The following GPM6B variants were observed in gnomAD, a reference collection of about 807,000 sequenced individuals.
GPM6B encodes neuronal membrane glycoprotein M6-b.
A neutral mutation model predicts 27.2 loss-of-function variants in GPM6B; 4 were observed. The ratio of observed to expected loss-of-function variants is 0.15; its 90% CI spans 0.07 to 0.34. GPM6B has a LOEUF of 0.34. Among genes scored for constraint, GPM6B ranks in the 10% least tolerant of loss-of-function variants. The probability of loss-of-function intolerance (pLI) is 1.00; values close to 1 mark genes in which losing one functional copy is unlikely to be tolerated. For synonymous variants in GPM6B, 124 were observed against 103.1 expected, an observed-to-expected ratio of 1.20 and a Z score of -1.23; for missense variants, 183 against 261.9, an observed-to-expected ratio of 0.70 and a Z score of 2.08.
At chrX:13,861,142 T>C (rs868576582) in intron 1 of GPM6B, among the ~76,000 whole-genome samples, 1 of 71,596 alleles carries the variant, frequency 1.4e-5, no homozygotes. Flanking sequence ...ATATATAATA[T>C]ACATATATAC....
intron 4 of GPM6B, among the ~76,000 whole-genome samples, chrX:13,783,147 CATTTG>C (rs2048549038): frequency 8.9e-6 from 1 of 112,436 alleles, no homozygotes; most frequent in Non-Finnish European, 1.9e-5. Flanking sequence ...CTGATGAAAA[CATTTG>C]ATTTATTTCT....
intron 1 of GPM6B, among the ~76,000 whole-genome samples, chrX:13,909,864 C>T (rs2050362948): frequency 9.0e-6 from 1 of 111,633 alleles, no homozygotes; most frequent in South Asian, 3.8e-4. Context: ...AGCTGTTGAG[C>T]TAAGCTTTCT....
intron 1 of GPM6B, among the ~76,000 whole-genome samples, chrX:13,810,610 G>T (rs1258065529): frequency 9.0e-6 from 1 of 110,684 alleles, no homozygotes; most frequent in East Asian, 2.8e-4. Context: ...TATGGATGGG[G>T]TAAGTCTCCA....
intron 1 of GPM6B, among the ~76,000 whole-genome samples, chrX:13,831,025 A>G (rs1216494738): frequency 9.0e-6 from 1 of 110,646 alleles, no homozygotes; most frequent in Admixed American, 9.7e-5. Context: ...ATTCTATAGG[A>G]GTCTGTTCTT....
intron 1 of GPM6B, among the ~76,000 whole-genome samples, chrX:13,825,435 G>C (rs2049361209): frequency 8.9e-6 from 1 of 112,123 alleles, no homozygotes; most frequent in African/African-American, 3.2e-5. Flanking sequence ...CTAATTCAGG[G>C]GATCTCTAGT....
intron 1 of GPM6B, among the ~76,000 whole-genome samples, chrX:13,872,521 A>T (rs2049989970): frequency 9.0e-6 from 1 of 110,777 alleles, no homozygotes; most frequent in South Asian, 3.8e-4. Context: ...TGATTCCAAG[A>T]CAACAAGCAT....
At chrX:13,892,042 G>A (rs754967610) in intron 1 of GPM6B, among the ~76,000 whole-genome samples, 3 of 111,403 alleles carry the variant, frequency 2.7e-5, no homozygotes, top group South Asian at 3.8e-4. Flanking sequence ...TGCTGGGCTC[G>A]GCTCTAGACC....
intron 5 of GPM6B, among the ~76,000 whole-genome samples, chrX:13,777,969 ACTTTGT>A (rs990197031): frequency 2.0e-4 from 22 of 111,511 alleles, no homozygotes; most frequent in East Asian, 1.1e-3. Context: ...CTGGATTTGT[ACTTTGT>A]CTTTGTTTTT....
intron 1 of GPM6B, among the ~76,000 whole-genome samples, chrX:13,890,042 T>A (rs1399782385): frequency 2.7e-5 from 3 of 111,553 alleles, no homozygotes; most frequent in Non-Finnish European, 5.6e-5. Context: ...CTGGGTAAAA[T>A]GAGGCTGAGA....
At chrX:13,839,427 G>A (rs1159462006) in intron 1 of GPM6B, among the ~76,000 whole-genome samples, 2 of 111,780 alleles carry the variant, frequency 1.8e-5, no homozygotes, top group Non-Finnish European at 3.8e-5. Flanking sequence ...GACCTCTTGA[G>A]ACTGTGCCTT....
intron 1 of GPM6B, among the ~76,000 whole-genome samples, chrX:13,865,542 C>CAAAAAAAAAAAAAAAAAAAA (rs1171503867): frequency 8.9e-4 from 13 of 14,602 alleles, no homozygotes; most frequent in Non-Finnish European, 1.3e-3. Flanking sequence ...TCCATCTCTT[C>CAAAAAAAAAAAAAAAAAAAA]AAAAAAAAAA....
At chrX:13,774,707 G>A (rs1263723030) in intron 7 of GPM6B, 14 of 717,120 alleles carry the variant, frequency 2.0e-5, no homozygotes, top group Admixed American at 9.5e-5. Flanking sequence ...GGGTGGGGAC[G>A]GGTGCCTGCT....
At chrX:13,809,915 CAAAAAA>C (rs750794950) in intron 1 of GPM6B, among the ~76,000 whole-genome samples, 1 of 48,298 alleles carries the variant, frequency 2.1e-5, no homozygotes, top group African/African-American at 8.7e-5. Flanking sequence ...CCAGCCTGGG[CAAAAAA>C]AAAAAAAAAA....
intron 1 of GPM6B, among the ~76,000 whole-genome samples, chrX:13,904,486 T>G (rs760130782): frequency 8.9e-6 from 1 of 111,913 alleles, no homozygotes; most frequent in Non-Finnish European, 1.9e-5. Context: ...TGGAGGCATG[T>G]GGACTCACTT....
chrX:13,885,638 C>T (rs1038762125), intron 1 of GPM6B, among the ~76,000 whole-genome samples: 1 of 111,489 alleles, frequency 9.0e-6, no homozygotes, highest in African/African-American at 3.3e-5. Context: ...GGAGGTGCCA[C>T]CCGCTTCGGA....
At chrX:13,814,754 C>G (rs1161237173) in intron 1 of GPM6B, among the ~76,000 whole-genome samples, 1 of 111,309 alleles carries the variant, frequency 9.0e-6, no homozygotes, top group Non-Finnish European at 1.9e-5. Context: ...ATTAGATAAG[C>G]CACCCTCCAG....
At chrX:13,856,110 A>C (rs2049776841) in intron 1 of GPM6B, among the ~76,000 whole-genome samples, 1 of 111,768 alleles carries the variant, frequency 8.9e-6, no homozygotes, top group Admixed American at 9.5e-5. Context: ...ACCATTTCCC[A>C]CATATTAACT....
chrX:13,791,081 C>G (rs1464210077), intron 2 of GPM6B, among the ~76,000 whole-genome samples: 1 of 112,233 alleles, frequency 8.9e-6, no homozygotes, highest in Non-Finnish European at 1.9e-5. Context: ...AATCCACAGA[C>G]TGAATTTTCC....
At chrX:13,831,321 C>T (rs1455624267) in intron 1 of GPM6B, among the ~76,000 whole-genome samples, 2 of 109,821 alleles carry the variant, frequency 1.8e-5, no homozygotes, top group Non-Finnish European at 3.8e-5. Context: ...ATGGTTGGCT[C>T]TGATGGTTGG....
Sources: allele counts gnomAD v4.1 joint callset (sites outside exome capture counted in the v4.1 genomes callset), GRCh38; gene constraint gnomAD v4.1.1; transcripts MANE v1.5; gene names NCBI Gene and HGNC (gene_info 2026-07-23, HGNC 2026-07-21).